The following CNTNAP2 variants were observed in gnomAD, a reference collection of about 807,000 sequenced individuals.
CNTNAP2 encodes contactin associated protein 2, also known as contactin-associated protein-like 2.
In CNTNAP2, 98 loss-of-function variants were observed where a neutral mutation model predicts 155.2. That is an observed-to-expected ratio of 0.63 (90% CI 0.54 to 0.75). CNTNAP2 has a LOEUF of 0.75. Among genes scored for constraint, CNTNAP2 ranks in the 30% least tolerant of loss-of-function variants. The pLI, the probability that CNTNAP2 is intolerant of heterozygous loss-of-function variation, is 0.00. For missense variants in CNTNAP2, 1,727 were observed against 1,688.1 expected, an observed-to-expected ratio of 1.02 and a Z score of -0.40; for synonymous variants, 651 against 631.2, an observed-to-expected ratio of 1.03 and a Z score of -0.47.
intron 2 of CNTNAP2, among the ~76,000 whole-genome samples, chr7:146,812,445 A>ATATATATATATATATATATATAT (rs1386547927): frequency 3.5e-5 from 5 of 144,556 alleles, no homozygotes; most frequent in African/African-American, 1.3e-4. Flanking sequence ...ATATATAAAA[A>ATATATATATATATATATATATAT]ATATATATAT....
chr7:146,730,516 A>G (rs1171407531), intron 1 of CNTNAP2, among the ~76,000 whole-genome samples: 1 of 152,172 alleles, frequency 6.6e-6, no homozygotes, highest in Non-Finnish European at 1.5e-5. Context: ...AGTATGCCCT[A>G]AAGTGTTGAA....
chr7:146,309,165 T>C (rs1044881795), intron 1 of CNTNAP2, among the ~76,000 whole-genome samples: 7 of 152,206 alleles, frequency 4.6e-5, no homozygotes, highest in African/African-American at 1.4e-4. Context: ...AATTTTAGGA[T>C]GTTTCCATTG....
At chr7:146,557,727 A>T (rs1308168527) in intron 1 of CNTNAP2, among the ~76,000 whole-genome samples, 2 of 152,144 alleles carry the variant, frequency 1.3e-5, no homozygotes, top group African/African-American at 4.8e-5. Flanking sequence ...TTTCTAACTC[A>T]CTAATTAGGC....
intron 1 of CNTNAP2, among the ~76,000 whole-genome samples, chr7:146,500,811 A>C (rs971515804): frequency 1.3e-5 from 2 of 152,166 alleles, no homozygotes; most frequent in Admixed American, 1.3e-4. Context: ...ATCTTCAAAG[A>C]ATGCATTTCA....
At chr7:146,712,419 G>T (rs73457241) in intron 1 of CNTNAP2, among the ~76,000 whole-genome samples, 7,188 of 139,244 alleles carry the variant, frequency 0.052, 750 homozygotes, top group African/African-American at 0.16. Context: ...ACAGGAAATT[G>T]CTTGGTGCCA....
At chr7:147,559,234 G>T (rs1800013074) in intron 11 of CNTNAP2, among the ~76,000 whole-genome samples, 1 of 152,144 alleles carries the variant, frequency 6.6e-6, no homozygotes, top group Non-Finnish European at 1.5e-5. Flanking sequence ...GTAGTATATT[G>T]TAGATAAAGG....
chr7:147,128,453 A>G (rs968502452), intron 6 of CNTNAP2, among the ~76,000 whole-genome samples: 2 of 152,216 alleles, frequency 1.3e-5, no homozygotes, highest in Non-Finnish European at 2.9e-5. Flanking sequence ...GGGCAGTAAA[A>G]TTGCAAAGGA....
intron 21 of CNTNAP2, among the ~76,000 whole-genome samples, chr7:148,284,886 A>C (rs1446423391): frequency 1.3e-5 from 2 of 152,228 alleles, no homozygotes; most frequent in African/African-American, 4.8e-5. Context: ...GTAACAGAAG[A>C]AGCAGATTTG....
rs570187478 is a variant in CNTNAP2 at position 148,283,201 on chromosome 7, A to G, written c.3475+16075A>G. On this transcript the variant is annotated intron_variant, in intron 21 of 23. Transcript: ENST00000361727. Reference sequence around the variant, plus strand: ...TGCAGTGAGCCACCAAGATCATGCCATTGCACTCCAGCCTGGGCAACAAAA... The same window carrying G: ...TGCAGTGAGCCACCAAGATCATGCCGTTGCACTCCAGCCTGGGCAACAAAA... 2.3e-3 allele frequency among the ~76,000 whole-genome samples: 330 copies of G among 144,620 alleles called. 3 individuals are homozygous for G. The highest frequency in any genetic ancestry group is 7.9e-3 in the African/African-American group (311 of 39,482). 94.9% of individuals were successfully genotyped at this position (144,620 alleles called of 152,430 possible).
intron 13 of CNTNAP2, among the ~76,000 whole-genome samples, chr7:147,798,797 G>A (rs77012060): frequency 0.011 from 1,716 of 152,282 alleles, 91 homozygotes; most frequent in Admixed American, 0.089. Context: ...CTACTTTAGA[G>A]GAGTCGATTT....
At chr7:147,816,031 C>A (rs1584970594) in intron 13 of CNTNAP2, among the ~76,000 whole-genome samples, 1 of 152,204 alleles carries the variant, frequency 6.6e-6, no homozygotes, top group African/African-American at 2.4e-5. Flanking sequence ...GCTTAATGTA[C>A]AGTGAAAGAG....
At chr7:148,331,594 A>T (rs62639097) in intron 21 of CNTNAP2, among the ~76,000 whole-genome samples, 14 of 10,690 alleles carry the variant, frequency 1.3e-3, no homozygotes, top group Admixed American at 1.8e-3. Context: ...GATGGATGGA[A>T]TGGATGGATG....
chr7:147,562,081 A>G lies in CNTNAP2; in HGVS notation c.1778-57A>G, dbSNP rs756257031. 3 of 1,611,844 alleles carry G rather than the reference A, an allele frequency of 1.9e-6. No homozygotes were observed. The East Asian group carries it at 6.7e-5, about 36-fold the overall frequency. On this transcript the variant is annotated intron_variant, in intron 11 of 23. Coordinates refer to ENST00000361727, the MANE Select transcript of CNTNAP2 (RefSeq NM_014141.6). ...ATTGCAATATGCCACTGGGACATTT[A>G]TCTGGGGAGCCATTTGTTCTGTGCT...
chr7:148,268,950 AAGAC>A (rs1469826193), intron 21 of CNTNAP2, among the ~76,000 whole-genome samples: 1 of 152,078 alleles, frequency 6.6e-6, no homozygotes, highest in Non-Finnish European at 1.5e-5. Context: ...TGCAAAGAGA[AAGAC>A]AGAGAGGAAA....
intron 9 of CNTNAP2, among the ~76,000 whole-genome samples, chr7:147,383,977 T>C (rs1003226513): frequency 1.3e-5 from 2 of 151,990 alleles, no homozygotes; most frequent in Non-Finnish European, 2.9e-5. Context: ...AGATCTAAAA[T>C]GAAAAAAATT....
chr7:146,441,239 T>C (rs1584927007), intron 1 of CNTNAP2, among the ~76,000 whole-genome samples: 1 of 151,694 alleles, frequency 6.6e-6, no homozygotes, highest in East Asian at 1.9e-4. Flanking sequence ...AAAAAAATTT[T>C]CTCTGGAAGA....
intron 9 of CNTNAP2, among the ~76,000 whole-genome samples, chr7:147,327,101 C>T (rs578142356): frequency 6.6e-6 from 1 of 151,552 alleles, no homozygotes; most frequent in Non-Finnish European, 1.5e-5. Flanking sequence ...CATCATAAAA[C>T]CCCAAAGCTG....
chr7:147,994,909 G>T (rs1304861138), intron 15 of CNTNAP2, among the ~76,000 whole-genome samples: 2 of 152,140 alleles, frequency 1.3e-5, no homozygotes, highest in Non-Finnish European at 2.9e-5. Context: ...TCAGATAAGG[G>T]GGAACTGCTA....
At chr7:146,912,709 T>C (rs925052748) in intron 3 of CNTNAP2, among the ~76,000 whole-genome samples, 2 of 152,194 alleles carry the variant, frequency 1.3e-5, no homozygotes, top group Non-Finnish European at 2.9e-5. Context: ...TTTTCTTAGA[T>C]GTCAAACATT....
Sources: gnomAD v4.1 joint callset for allele counts (sites outside exome capture counted in the v4.1 genomes callset) on GRCh38, gnomAD v4.1.1 for gene constraint, MANE v1.5 for transcripts, NCBI Gene and HGNC (gene_info 2026-07-23, HGNC 2026-07-21) for gene names.